Variants in MED6 observed in about 807,000 individuals in gnomAD.
MED6 encodes the protein mediator complex subunit 6, also known as mediator of RNA polymerase II transcription subunit 6.
In MED6, 33 loss-of-function variants were observed where a neutral mutation model predicts 37.5. The ratio of observed to expected loss-of-function variants is 0.88; its 90% CI spans 0.67 to 1.18. The LOEUF (loss-of-function observed/expected upper bound fraction) is 1.18, where lower values mean the gene tolerates loss of function less well. MED6 is among the 50% of genes most tolerant of loss of function. MED6 has a pLI of 0.00. For synonymous variants in MED6, 94 were observed against 93.6 expected (o/e 1.00, Z -0.02); for missense variants, 235 against 290.6 (o/e 0.81, Z 1.39).
chr14:70,589,193 GA>G lies in MED6; in HGVS notation c.582+2072del, dbSNP rs553528020. 8.4e-4 allele frequency among the ~76,000 whole-genome samples: 128 copies of G among 152,240 alleles called. 1 individual carries two copies. The highest frequency in any genetic ancestry group is 2.9e-3 in the African/African-American group (121 of 41,536). Reference sequence around the variant, plus strand: ...GTCTAATTCTAGGCCTAAAACCACAGAATCACCCTTTGTCCAATCTCTCCAA... The same window carrying G: ...GTCTAATTCTAGGCCTAAAACCACAGATCACCCTTTGTCCAATCTCTCCAA... On this transcript the variant is annotated intron_variant, in intron 6 of 7. Transcript: ENST00000256379.
At position 70,598,733 on chromosome 14, in the gene MED6, C is replaced by CT. The variant is rs35494576; in HGVS notation, c.23-957dup. On this transcript the variant is annotated intron_variant, in intron 1 of 7. Transcript: ENST00000256379. The stretch of plus-strand genomic sequence containing the variant: ...GATAAGATTTAAAATTTAGAAAGGA[C>CT]TTTTTTTTTTATTGGAAATCCTTAA... Among the ~76,000 whole-genome samples, 1,473 of 148,364 alleles carry CT rather than the reference C, an allele frequency of 9.9e-3. 55 individuals carry two copies. The East Asian group carries it at 0.15, about 15-fold the overall frequency.
At chr14:70,596,877 C>A in intron 2 of MED6, 175 bp from the exon 3 acceptor site, 1 of 505,690 alleles carries the variant, frequency 2.0e-6, no homozygotes, top group Non-Finnish European at 3.5e-6. Flanking sequence ...AGACAGGTGG[C>A]ATATAGATAA....
Position 70,584,149 on chromosome 14 carries a change from G to C in MED6, c.*664C>G, listed in dbSNP as rs1174221814. The C allele has an allele frequency of 1.3e-6, 1 of 751,306 alleles. No homozygotes were observed. The highest frequency in any genetic ancestry group is 2.4e-6 in the Non-Finnish European group (1 of 413,044). 46.5% of individuals were successfully genotyped at this position (751,306 alleles called of 1,614,324 possible). A position where few individuals can be genotyped will look rare whatever the true frequency, so the allele number is the denominator to read the frequency against. On this transcript the variant is annotated 3_prime_UTR_variant, in exon 8 of 8. Coordinates refer to ENST00000256379, the MANE Select transcript of MED6 (RefSeq NM_005466.4). ...TATGTAACTGAACAAAAAGAAATAT[G>C]CTTAGTTACTACTTTAACATCCTTT...
chr14:70,588,097 AAAG>A (rs1182580270), intron 6 of MED6, among the ~76,000 whole-genome samples: 1 of 152,206 alleles, frequency 6.6e-6, no homozygotes, highest in African/African-American at 2.4e-5. Flanking sequence ...ATATGAGCTA[AAAG>A]AAGTTCTGGG....
chr14:70,591,444 A>G, intron 5 of MED6, 63 bp from the exon 6 acceptor site: 4 of 1,304,300 alleles, frequency 3.1e-6, no homozygotes, highest in Non-Finnish European at 4.3e-6. Context: ...CATATTTTAC[A>G]AATCTTTATC....
At chr14:70,587,824 T>A (rs1185302163) in intron 6 of MED6, among the ~76,000 whole-genome samples, 1 of 152,190 alleles carries the variant, frequency 6.6e-6, no homozygotes, top group Non-Finnish European at 1.5e-5. Flanking sequence ...ACAGTCCTCA[T>A]AAAAGGCTCC....
chr14:70,588,688 A>AAATAAT lies in MED6; in HGVS notation c.582+2572_582+2577dup, dbSNP rs77093432. Among the ~76,000 whole-genome samples, 923 of 134,624 alleles carry AAATAAT rather than the reference A, an allele frequency of 6.9e-3. 10 individuals are homozygous for AAATAAT. Among genetic ancestry groups the AAATAAT allele is most frequent in the South Asian group, 0.01 (41 of 3,936 alleles). The allele number at this position is 134,624 out of a possible 152,430, so 88.3% of individuals were successfully genotyped here. On this transcript the variant is annotated intron_variant, in intron 6 of 7. Coordinates refer to ENST00000256379, the MANE Select transcript of MED6 (RefSeq NM_005466.4). ...GCGACAGAGTGAGACTCCGTCTCAA[A>AAATAAT]AATAATAATAATAATAATAATAATA...
At position 70,595,190 on chromosome 14, in the gene MED6, C is replaced by T. The variant is rs1215840624; in HGVS notation, c.274+1421G>A. On this transcript the variant is annotated intron_variant, in intron 3 of 7. Coordinates refer to ENST00000256379, the MANE Select transcript of MED6 (RefSeq NM_005466.4). ...AGGAGGAGCTGCTCTTCATGAAGAA[C>T]CGTGAAGAGGAAGTAAAGGCCTACA... 2.8e-5 allele frequency: 15 copies of T among 537,140 alleles called. No individual in the cohort carries two copies. In the East Asian group the frequency reaches 6.3e-4, roughly 22 times the overall value. 33.3% of individuals were successfully genotyped at this position (537,140 alleles called of 1,614,324 possible).
intron 3 of MED6, chr14:70,594,646 C>A: frequency 2.3e-6 from 1 of 435,698 alleles, no homozygotes; most frequent in Non-Finnish European, 4.4e-6. Context: ...AGCAGCACGG[C>A]CAGCGTCTAT....
At chr14:70,597,035 C>G (rs964574489) in intron 2 of MED6, among the ~76,000 whole-genome samples, 1 of 152,126 alleles carries the variant, frequency 6.6e-6, no homozygotes, top group Non-Finnish European at 1.5e-5. Context: ...ACCAAATCTA[C>G]GAATACATAC....
intron 3 of MED6, 22 bp from the exon 4 acceptor site, chr14:70,593,400 T>C: frequency 1.3e-6 from 2 of 1,564,192 alleles, no homozygotes; most frequent in African/African-American, 1.4e-5. Context: ...GGAAAAAAGG[T>C]TTATAAATAC....
chr14:70,589,238 A>G (rs1884802395), intron 6 of MED6, among the ~76,000 whole-genome samples: 1 of 152,188 alleles, frequency 6.6e-6, no homozygotes, highest in Non-Finnish European at 1.5e-5. Context: ...ACCAAATTAA[A>G]GCAATCCTAA....
At position 70,600,648 on chromosome 14, in the gene MED6, G is replaced by A; in HGVS notation, c.-11C>T. On this transcript the variant is annotated 5_prime_UTR_variant, in exon 1 of 8. Coordinates refer to ENST00000256379, the MANE Select transcript of MED6 (RefSeq NM_005466.4). ...ATCCACCGCCGCCATAATTCCGAGAGCGTTTACAGGTTCTCTTTCCGGCGC... is the reference window on the plus strand; with the variant it reads ...ATCCACCGCCGCCATAATTCCGAGAACGTTTACAGGTTCTCTTTCCGGCGC... 6.2e-7 allele frequency: 1 copy of A among 1,613,234 alleles called. No individual in the cohort carries two copies. The highest frequency in any genetic ancestry group is 8.5e-7 in the Non-Finnish European group (1 of 1,179,924).
chr14:70,595,154 T>A, intron 3 of MED6: 1 of 398,660 alleles, frequency 2.5e-6, no homozygotes, highest in East Asian at 6.4e-5. Context: ...CTACAGAGAT[T>A]GAGGCTCTCA....
chr14:70,596,832 T>C (rs563041505), intron 2 of MED6, 130 bp from the exon 3 acceptor site: 2 of 630,726 alleles, frequency 3.2e-6, no homozygotes, highest in Admixed American at 3.0e-5. Flanking sequence ...TTTGGTGTTA[T>C]AATCTGGCTG....
At chr14:70,587,461 G>T (rs1270122866) in intron 6 of MED6, among the ~76,000 whole-genome samples, 1 of 152,142 alleles carries the variant, frequency 6.6e-6, no homozygotes, top group Non-Finnish European at 1.5e-5. Context: ...AATTTTGAGG[G>T]AATAAATTGT....
intron 6 of MED6, among the ~76,000 whole-genome samples, chr14:70,586,307 G>A (rs11625004): frequency 0.051 from 7,817 of 152,166 alleles, 255 homozygotes; most frequent in Middle Eastern, 0.099. Context: ...AAAAAGATAA[G>A]AGCATTAGAG....
Position 70,584,426 on chromosome 14 carries a change from G to C in MED6, c.*387C>G, listed in dbSNP as rs1884640637. 2.8e-6 allele frequency: 1 copy of C among 354,638 alleles called. No individual in the cohort carries two copies. Among genetic ancestry groups the C allele is most frequent in the Admixed American group, 4.2e-5 (1 of 23,554 alleles). The allele number at this position is 354,638 out of a possible 1,614,324, so 22.0% of individuals were successfully genotyped here. A position where few individuals can be genotyped will look rare whatever the true frequency, so the allele number is the denominator to read the frequency against. ...GTCTCGCTCTGTCGCCCAAGCTGGA[G>C]TGCAACAGCATGATAATCAGCTCAG... On this transcript the variant is annotated 3_prime_UTR_variant, in exon 8 of 8. Transcript: ENST00000256379.
chr14:70,585,727 G>C, intron 7 of MED6, 29 bp downstream of exon 7: 1 of 1,559,042 alleles, frequency 6.4e-7, no homozygotes, highest in East Asian at 2.3e-5. Flanking sequence ...CTTATTTCAA[G>C]CGTAATAAGA....
Sources: allele counts gnomAD v4.1 joint callset (sites outside exome capture counted in the v4.1 genomes callset), GRCh38; gene constraint gnomAD v4.1.1; transcripts MANE v1.5; gene names NCBI Gene and HGNC (gene_info 2026-07-23, HGNC 2026-07-21).